PROK2: variants seen among roughly 807,000 people sequenced by gnomAD.
PROK2 encodes the protein prokineticin 2.
PROK2 carries 8 observed loss-of-function variants against 14.2 expected under a neutral mutation model. The observed-to-expected ratio is 0.56, with a 90% confidence interval of 0.33 to 1.02. PROK2 has a LOEUF of 1.02. Ranked by LOEUF, PROK2 falls within the 50% of genes least tolerant of loss-of-function variation. PROK2 has a pLI of 0.03. For synonymous variants in PROK2, 59 were observed against 60.7 expected (o/e 0.97, Z 0.13); for missense variants, 154 against 160.4 (o/e 0.96, Z 0.22).
Position 71,781,454 on chromosome 3 carries a change from T to C in PROK2, c.222+13A>G, listed in dbSNP as rs1300779771. The C allele has an allele frequency of 6.2e-7, 1 of 1,613,692 alleles. No homozygotes were observed. Among genetic ancestry groups the C allele is most frequent in the Non-Finnish European group, 8.5e-7 (1 of 1,179,750 alleles). ...AGTAGAACCACCATGAATACAAATA[T>C]ATATATACTAACTTTACGAGTCAGT... On this transcript the variant is annotated intron_variant, in intron 2 of 3. Transcript: ENST00000295619.
Position 71,772,695 on chromosome 3 carries a change from A to G in PROK2, c.*29T>C. 2 of 1,575,212 alleles carry G rather than the reference A, an allele frequency of 1.3e-6. No homozygotes were observed. The highest frequency in any genetic ancestry group is 1.3e-5 in the African/African-American group (1 of 74,128). On this transcript the variant is annotated 3_prime_UTR_variant, in exon 4 of 4. Coordinates refer to ENST00000295619, the MANE Select transcript of PROK2 (RefSeq NM_001126128.2). ...AAGACTTTACAGGTAAGATGTGGCT[A>G]TTCACATTTGGTTTCTACTCCAGAG...
intron 2 of PROK2, among the ~76,000 whole-genome samples, chr3:71,779,791 A>G (rs1412265897): frequency 6.6e-6 from 1 of 152,008 alleles, no homozygotes; most frequent in African/African-American, 2.4e-5. Context: ...AAATTTTTCT[A>G]TAGAGACGGG....
At chr3:71,775,933 TCCC>T (rs2050114252) in intron 2 of PROK2, among the ~76,000 whole-genome samples, 1 of 151,992 alleles carries the variant, frequency 6.6e-6, no homozygotes, top group Admixed American at 6.6e-5. Flanking sequence ...CCAACTCAGA[TCCC>T]AAGGCTCCCC....
intron 2 of PROK2, among the ~76,000 whole-genome samples, chr3:71,777,627 T>A (rs887364922): frequency 2.6e-5 from 4 of 152,088 alleles, no homozygotes; most frequent in Non-Finnish European, 5.9e-5. Flanking sequence ...GCAGGAAAAT[T>A]TAAAAACAAG....
In PROK2 at chr3:71,772,756, A is replaced by C. The variant is rs1187386724; in HGVS notation, c.358T>G (p.Phe120Val). ...TGGGCTAAACAAATAAATCGGTTAAATGAAGTCCGTAAACAGGCCAAGCCT... is the reference window on the plus strand; with the variant it reads ...TGGGCTAAACAAATAAATCGGTTAACTGAAGTCCGTAAACAGGCCAAGCCT... ...LPGLACLRTS[F>V]NRFICLAQK The change falls in exon 4 of 4, where the codon TTT (phenylalanine) becomes GTT (valine). Residue 120 changes from phenylalanine to valine, a missense_variant. By Grantham distance (50) the Phe-to-Val change is conservative (BLOSUM62 -1). Coordinates refer to ENST00000295619, the MANE Select transcript of PROK2 (RefSeq NM_001126128.2). The C allele has an allele frequency of 2.5e-6, 4 of 1,614,234 alleles. No individual in the cohort carries two copies. The highest frequency in any genetic ancestry group is 2.2e-5 in the East Asian group (1 of 44,884).
At chr3:71,781,646 A>T in intron 1 of PROK2, 54 bp from the exon 2 acceptor site, 2 of 1,556,392 alleles carry the variant, frequency 1.3e-6, no homozygotes, top group Non-Finnish European at 1.8e-6. Context: ...GACTCAGGCT[A>T]AGGAAACCTA....
chr3:71,772,813 G>A lies in PROK2; in HGVS notation c.301C>T (p.Arg101Trp), dbSNP rs144953748. ...CATGGGCAAGTGTGATGCATCCTCC[G>A]CCCAAAAAATGGAACCTAAATAAAA... ...KRKKEVPFFG[R>W]RMHHTCPCLP... is the part of the protein sequence containing the mutation. The change falls in exon 4 of 4, where the codon CGG becomes TGG. Residue 101 changes from arginine to tryptophan, a missense_variant. Arg to Trp is a moderately radical substitution (Grantham distance 101, BLOSUM62 -3). Transcript: ENST00000295619. 9.7e-5 allele frequency: 156 copies of A among 1,614,010 alleles called. No homozygotes were observed. The highest frequency in any genetic ancestry group is 5.6e-4 in the South Asian group (51 of 91,086).
chr3:71,777,013 T>TATA (rs1444789215), intron 2 of PROK2, among the ~76,000 whole-genome samples: 1 of 152,212 alleles, frequency 6.6e-6, no homozygotes, highest in Admixed American at 6.5e-5. Context: ...AATTAGCACT[T>TATA]ATAAAAGGGC....
At position 71,772,669 on chromosome 3, in the gene PROK2, T is replaced by C. The variant is rs1055175717; in HGVS notation, c.*55A>G. ...ATTTTTTGTTTGGCACAATCACAAG[T>C]AAGACTTTACAGGTAAGATGTGGCT... is the stretch of plus-strand genomic sequence containing the variant. On this transcript the variant is annotated 3_prime_UTR_variant, in exon 4 of 4. Coordinates refer to ENST00000295619, the MANE Select transcript of PROK2 (RefSeq NM_001126128.2). 2.7e-6 allele frequency: 4 copies of C among 1,492,048 alleles called. No homozygotes were observed. Among genetic ancestry groups the C allele is most frequent in the Non-Finnish European group, 3.7e-6 (4 of 1,069,108 alleles). The allele number at this position is 1,492,048 out of a possible 1,614,324, so 92.4% of individuals were successfully genotyped here.
At chr3:71,773,629 A>G (rs922062834) in intron 3 of PROK2, among the ~76,000 whole-genome samples, 1 of 152,260 alleles carries the variant, frequency 6.6e-6, no homozygotes, top group Non-Finnish European at 1.5e-5. Flanking sequence ...ATATTAATTC[A>G]TACATTTGCA....
chr3:71,778,816 T>C (rs1288259244), intron 2 of PROK2, among the ~76,000 whole-genome samples: 2 of 152,200 alleles, frequency 1.3e-5, no homozygotes, highest in African/African-American at 4.8e-5. Context: ...TCTCTTAAAA[T>C]AGGTCATCAA....
intron 2 of PROK2, among the ~76,000 whole-genome samples, chr3:71,778,039 C>T (rs1399128580): frequency 1.3e-5 from 2 of 151,808 alleles, no homozygotes; most frequent in African/African-American, 4.8e-5. Flanking sequence ...ACGAAAAATA[C>T]CAAAAACATT....
At chr3:71,772,908 T>A in intron 3 of PROK2, 80 bp from the exon 4 acceptor site, 1 of 1,181,346 alleles carries the variant, frequency 8.5e-7, no homozygotes, top group Non-Finnish European at 1.3e-6. Context: ...GATAGCTCTT[T>A]AAATAACAAT....
chr3:71,783,168 C>T (rs1392729916), intron 1 of PROK2, among the ~76,000 whole-genome samples: 1 of 152,092 alleles, frequency 6.6e-6, no homozygotes, highest in Non-Finnish European at 1.5e-5. Flanking sequence ...TTTTGAGGCC[C>T]CATGAGCTTT....
In PROK2 at chr3:71,771,697, T is replaced by C. The variant is rs1222215432; in HGVS notation, c.*1027A>G. ...TAATATTAAAATAAATCAAATGATA[T>C]ACAGTACTGTTATTATTCTGATACA... On this transcript the variant is annotated 3_prime_UTR_variant, in exon 4 of 4. Transcript: ENST00000295619. 6.6e-6 allele frequency: 1 copy of C among 152,644 alleles called. No individual in the cohort carries two copies. Among genetic ancestry groups the C allele is most frequent in the South Asian group, 2.1e-4 (1 of 4,836 alleles). The allele number at this position is 152,644 out of a possible 1,614,324, so 9.5% of individuals were successfully genotyped here. A position where few individuals can be genotyped will look rare whatever the true frequency, so the allele number is the denominator to read the frequency against.
At chr3:71,781,653 C>G in intron 1 of PROK2, 61 bp from the exon 2 acceptor site, 1 of 1,540,790 alleles carries the variant, frequency 6.5e-7, no homozygotes, top group South Asian at 1.1e-5. Context: ...GCTAAGGAAA[C>G]CTAAAATTAG....
At chr3:71,783,397 C>T (rs1462353345) in intron 1 of PROK2, among the ~76,000 whole-genome samples, 1 of 152,148 alleles carries the variant, frequency 6.6e-6, no homozygotes, top group Non-Finnish European at 1.5e-5. Flanking sequence ...ATAACAACAA[C>T]AAAAACAGCA....
chr3:71,781,653 C>A, intron 1 of PROK2, 61 bp from the exon 2 acceptor site: 3 of 1,540,790 alleles, frequency 1.9e-6, no homozygotes, highest in African/African-American at 2.8e-5. Flanking sequence ...GCTAAGGAAA[C>A]CTAAAATTAG....
chr3:71,774,647 T>C, intron 2 of PROK2, 140 bp from the exon 3 acceptor site: 2 of 1,160,416 alleles, frequency 1.7e-6, no homozygotes, highest in Non-Finnish European at 2.4e-6. Flanking sequence ...CCTTTTGCTA[T>C]GTCATGACTT....
Sources: allele counts gnomAD v4.1 joint callset (sites outside exome capture counted in the v4.1 genomes callset), GRCh38; gene constraint gnomAD v4.1.1; transcripts MANE v1.5; gene names NCBI Gene and HGNC (gene_info 2026-07-23, HGNC 2026-07-21).